DCPS: variants seen among roughly 807,000 people sequenced by gnomAD.
The protein encoded by DCPS is decapping enzyme, scavenger.
Under a neutral mutation model 34.7 loss-of-function variants are expected in DCPS, and 27 were observed. The ratio of observed to expected loss-of-function variants is 0.78; its 90% CI spans 0.57 to 1.07. The LOEUF (loss-of-function observed/expected upper bound fraction) is 1.07, where lower values mean the gene tolerates loss of function less well. Ranked by LOEUF, DCPS falls within the 50% of genes least tolerant of loss-of-function variation. The pLI is 0.00. For synonymous variants in DCPS, 185 were observed against 185.7 expected (o/e 1.00, Z 0.03); for missense variants, 464 against 436.9 (o/e 1.06, Z -0.55).
Position 126,336,076 on chromosome 11 carries a change from A to T in DCPS, c.523-2210A>T, listed in dbSNP as rs935405249. 1.4e-4 allele frequency among the ~76,000 whole-genome samples: 21 copies of T among 148,722 alleles called. No individual in the cohort carries two copies. Among genetic ancestry groups the T allele is most frequent in the Non-Finnish European group, 2.2e-4 (15 of 67,652 alleles). ...GGTTGCAGTGAGCCGAAATCACGCC[A>T]CTGCACTCTAGTCTGGGCGAAAGAG... On this transcript the variant is annotated intron_variant, in intron 3 of 5. Transcript: ENST00000263579. The surrounding 1 kb of genome is among the most constrained non-coding windows in gnomAD (Gnocchi z 6.3).
chr11:126,309,348 G>C (rs561663702), intron 2 of DCPS, among the ~76,000 whole-genome samples: 1 of 152,210 alleles, frequency 6.6e-6, no homozygotes, highest in Non-Finnish European at 1.5e-5. Context: ...TCATCCCTCA[G>C]TATCCACTGG....
chr11:126,340,479 G>A (rs3781778), intron 4 of DCPS, among the ~76,000 whole-genome samples: 46,474 of 152,082 alleles, frequency 0.31, 7,941 homozygotes, highest in African/African-American at 0.46. Flanking sequence ...GAGCCACCGC[G>A]CCCGACCTTA....
chr11:126,345,678 T>A lies in DCPS; in HGVS notation c.*65T>A, dbSNP rs1392141434. On this transcript the variant is annotated 3_prime_UTR_variant, in exon 6 of 6. Transcript: ENST00000263579. The surrounding 1 kb of genome is among the most constrained non-coding windows in gnomAD (Gnocchi z 7.4). ...GGAGGAGTGGGGACAAGATTTTTTA[T>A]CTCCAAGTGAATTTTCTAAAAATGT... is the stretch of plus-strand genomic sequence containing the variant. 1 of 1,564,586 alleles carries A rather than the reference T, an allele frequency of 6.4e-7. No individual in the cohort carries two copies. Among genetic ancestry groups the A allele is most frequent in the South Asian group, 1.2e-5 (1 of 86,552 alleles).
In DCPS at chr11:126,312,270, G is replaced by T. The variant is rs1951623003; in HGVS notation, c.376+5526G>T. 6.6e-6 allele frequency among the ~76,000 whole-genome samples: 1 copy of T among 152,098 alleles called. No individual in the cohort carries two copies. ...AAACAATGCTTACCCATCCGCTATG[G>T]CATACTCTGTAGTATTTCCTATCTA... On this transcript the variant is annotated intron_variant, in intron 2 of 5. Transcript: ENST00000263579. The surrounding 1 kb of genome is among the most constrained non-coding windows in gnomAD (Gnocchi z 5.1).
chr11:126,307,837 G>A (rs1203914596), intron 2 of DCPS, among the ~76,000 whole-genome samples: 1 of 152,172 alleles, frequency 6.6e-6, no homozygotes, highest in African/African-American at 2.4e-5. Flanking sequence ...AGGACTTTAC[G>A]AATGAGGAAA....
chr11:126,305,789 C>T (rs1022357354), intron 1 of DCPS, among the ~76,000 whole-genome samples: 6 of 151,960 alleles, frequency 3.9e-5, no homozygotes, highest in African/African-American at 1.2e-4. Context: ...TTTTTGTATG[C>T]GATTCTGTCT....
In DCPS at chr11:126,348,608, G is replaced by C. The variant is rs558389931; in HGVS notation, c.*2995G>C. On this transcript the variant is annotated 3_prime_UTR_variant, in exon 6 of 6. Transcript: ENST00000263579. The surrounding 1 kb of genome is among the most constrained non-coding windows in gnomAD (Gnocchi z 5.3). Reference sequence around the variant, plus strand: ...GTCCTGTTGAGACTCCAAAAGCATAGTCTGTCTTTATTAGGGTGACCTTCA... The same window carrying C: ...GTCCTGTTGAGACTCCAAAAGCATACTCTGTCTTTATTAGGGTGACCTTCA... 2.4e-4 allele frequency among the ~76,000 whole-genome samples: 36 copies of C among 152,356 alleles called. No homozygotes were observed. Among genetic ancestry groups the C allele is most frequent in the African/African-American group, 7.9e-4 (33 of 41,588 alleles).
intron 1 of DCPS, among the ~76,000 whole-genome samples, chr11:126,305,271 G>A (rs934306640): frequency 4.6e-5 from 7 of 151,964 alleles, no homozygotes; most frequent in Non-Finnish European, 8.8e-5. Flanking sequence ...CCGCCACCAT[G>A]CCCAGCTAAT....
rs920775660 is a variant in DCPS, at chr11:126,348,789, A to G, written c.*3176A>G. 1.3e-5 allele frequency among the ~76,000 whole-genome samples: 2 copies of G among 152,234 alleles called. No homozygotes were observed. Among genetic ancestry groups the G allele is most frequent in the Non-Finnish European group, 2.9e-5 (2 of 68,038 alleles). On this transcript the variant is annotated 3_prime_UTR_variant, in exon 6 of 6. Transcript: ENST00000263579. The surrounding 1 kb of genome is among the most constrained non-coding windows in gnomAD (Gnocchi z 5.3). Reference sequence around the variant, plus strand: ...TCTCTCTATCCCTGGCCCCTAAGACACTACCTGGCTCAGCAAACCAACCTT... The same window carrying G: ...TCTCTCTATCCCTGGCCCCTAAGACGCTACCTGGCTCAGCAAACCAACCTT...
At chr11:126,305,068 C>A (rs1467136442) in intron 1 of DCPS, among the ~76,000 whole-genome samples, 1 of 152,170 alleles carries the variant, frequency 6.6e-6, no homozygotes, top group Non-Finnish European at 1.5e-5. Context: ...TTGGCCTAGG[C>A]TTCCATGCCT....
Position 126,345,885 on chromosome 11 carries a change from GA to G in DCPS, c.*274del. On this transcript the variant is annotated 3_prime_UTR_variant, in exon 6 of 6. Transcript: ENST00000263579. This position sits in a 1 kb window ranked among gnomAD's most constrained non-coding sequence, Gnocchi z 7.4. ...CAACTGACAGGTGGGAGCTGCCCTG[GA>G]AGGGTGCCGAGGGCCTTCTCCAAGC... 1 of 523,640 alleles carries G rather than the reference GA, an allele frequency of 1.9e-6. No individual in the cohort carries two copies. Among genetic ancestry groups the G allele is most frequent in the Non-Finnish European group, 3.4e-6 (1 of 294,938 alleles). 32.4% of individuals were successfully genotyped at this position (523,640 alleles called of 1,614,324 possible).
chr11:126,331,334 C>T lies in DCPS; in HGVS notation c.377-71C>T, dbSNP rs1951789582. 2 of 1,576,112 alleles carry T rather than the reference C, an allele frequency of 1.3e-6. No homozygotes were observed. The highest frequency in any genetic ancestry group is 8.6e-7 in the Non-Finnish European group (1 of 1,160,056). On this transcript the variant is annotated intron_variant, in intron 2 of 5. Coordinates refer to ENST00000263579, the MANE Select transcript of DCPS (RefSeq NM_014026.6). This position sits in a 1 kb window ranked among gnomAD's most constrained non-coding sequence, Gnocchi z 7.2. ...TCAAAGCCAGGGTGGGAGTTCTCTCCTCACCGTGGTGCCTGTGGCATAGAG... is the reference window on the plus strand; with the variant it reads ...TCAAAGCCAGGGTGGGAGTTCTCTCTTCACCGTGGTGCCTGTGGCATAGAG...
intron 2 of DCPS, among the ~76,000 whole-genome samples, chr11:126,326,609 A>G (rs1248601829): frequency 5.3e-5 from 8 of 152,316 alleles, no homozygotes; most frequent in African/African-American, 1.9e-4. Flanking sequence ...TTGTAAGAAT[A>G]GTACAAAGAA....
Position 126,327,529 on chromosome 11 carries a change from A to T in DCPS, c.377-3876A>T, listed in dbSNP as rs1325814042. On this transcript the variant is annotated intron_variant, in intron 2 of 5. Transcript: ENST00000263579. The surrounding 1 kb of genome is among the most constrained non-coding windows in gnomAD (Gnocchi z 4.1). ...CTGTGCCTGTGTATCGTGTTTCCCA[A>T]CGTGTTTTCACCTGATGGTTTGATT... Among the ~76,000 whole-genome samples, 2 of 152,158 alleles carry T rather than the reference A, an allele frequency of 1.3e-5. No individual in the cohort carries two copies. Among genetic ancestry groups the T allele is most frequent in the East Asian group, 3.9e-4 (2 of 5,190 alleles).
At position 126,322,187 on chromosome 11, in the gene DCPS, G is replaced by A. The variant is rs1483917615; in HGVS notation, c.377-9218G>A. Among the ~76,000 whole-genome samples the A allele has an allele frequency of 6.6e-6, 1 of 152,194 alleles. No homozygotes were observed. The highest frequency in any genetic ancestry group is 6.5e-5 in the Admixed American group (1 of 15,274). On this transcript the variant is annotated intron_variant, in intron 2 of 5. Transcript: ENST00000263579. This position sits in a 1 kb window ranked among gnomAD's most constrained non-coding sequence, Gnocchi z 4.2. ...CACCATCAGGGCATTGGAGACAGAA[G>A]AAAACAGGTCACAAAGAACTGGGCA... is the stretch of plus-strand genomic sequence containing the variant.
chr11:126,321,330 G>A (rs188204979), intron 2 of DCPS, among the ~76,000 whole-genome samples: 2 of 152,134 alleles, frequency 1.3e-5, no homozygotes, highest in Admixed American at 1.3e-4. Context: ...CTGAGAGTGG[G>A]GTCAGGGCAC....
rs933807018 is a variant in DCPS, at chr11:126,329,638, G to A, written c.377-1767G>A. ...GGAAGTAGCCTGTGGTGTTGCAGGA[G>A]CACTGGCTTTAGGGTGAGATGGCCT... On this transcript the variant is annotated intron_variant, in intron 2 of 5. Transcript: ENST00000263579. The surrounding 1 kb of genome is among the most constrained non-coding windows in gnomAD (Gnocchi z 5.0). Among the ~76,000 whole-genome samples the A allele has an allele frequency of 2.6e-5, 4 of 152,224 alleles. No homozygotes were observed. Among genetic ancestry groups the A allele is most frequent in the Non-Finnish European group, 4.4e-5 (3 of 68,040 alleles).
chr11:126,337,065 G>A lies in DCPS; in HGVS notation c.523-1221G>A, dbSNP rs190017324. The A allele has an allele frequency of 1.0e-4, 16 of 152,396 alleles. No homozygotes were observed. The highest frequency in any genetic ancestry group is 1.9e-4 in the Non-Finnish European group (13 of 68,096). 9.4% of individuals were successfully genotyped at this position (152,396 alleles called of 1,614,324 possible). A position where few individuals can be genotyped will look rare whatever the true frequency, so the allele number is the denominator to read the frequency against. ...GGTGTGAGGTTGTGTGGACCATAAG[G>A]CAGTCCCCGTGCCTCTAGCCTTCGG... On this transcript the variant is annotated intron_variant, in intron 3 of 5. Transcript: ENST00000263579. This position sits in a 1 kb window ranked among gnomAD's most constrained non-coding sequence, Gnocchi z 5.3.
rs747190905 is a variant in DCPS at position 126,338,346 on chromosome 11, G to T, written c.583G>T (p.Asp195Tyr). 3 of 1,614,186 alleles carry T rather than the reference G, an allele frequency of 1.9e-6. No individual in the cohort carries two copies. Among genetic ancestry groups the T allele is most frequent in the Non-Finnish European group, 2.5e-6 (3 of 1,180,028 alleles). The change falls in exon 4 of 6, where the codon GAT becomes TAT. Residue 195 changes from aspartate (D) to tyrosine (Y), a missense_variant. Asp to Tyr is a radical substitution (Grantham distance 160). Coordinates refer to ENST00000263579, the MANE Select transcript of DCPS (RefSeq NM_014026.6). This position sits in a 1 kb window ranked among gnomAD's most constrained non-coding sequence, Gnocchi z 5.4. ...GGACCGGATTGTTTTCGAGAACCCA[G>T]ATCCCTCTGATGGTTTTGTCCTCAT... ...EADRIVFENP[D>Y]PSDGFVLIPD... is the part of the protein sequence containing the mutation.
Sources: allele counts gnomAD v4.1 joint callset (sites outside exome capture counted in the v4.1 genomes callset), GRCh38; gene constraint gnomAD v4.1.1; non-coding constraint Gnocchi (gnomAD v3.1); transcripts MANE v1.5; gene names NCBI Gene and HGNC (gene_info 2026-07-23, HGNC 2026-07-21).